The following ZNF285 variants were observed in gnomAD, a reference collection of about 807,000 sequenced individuals.
The protein encoded by ZNF285 is zinc finger protein 285.
In ZNF285, 4 loss-of-function variants were observed where a neutral mutation model predicts 6.2. The observed-to-expected ratio is 0.65, with a 90% confidence interval of 0.32 to 1.49. ZNF285 has a LOEUF of 1.49. Ranked by LOEUF, ZNF285 falls within the 40% of genes most tolerant of loss-of-function variation. The pLI is 0.07. For missense variants in ZNF285, 695 were observed against 708.8 expected (o/e 0.98, Z 0.22); for synonymous variants, 240 against 245.8 (o/e 0.98, Z 0.22).
At position 44,384,896 on chromosome 19, in the gene ZNF285, G is replaced by C. The variant is rs1163827182; in HGVS notation, c.*1576C>G. On this transcript the variant is annotated 3_prime_UTR_variant, in exon 4 of 4. Transcript: ENST00000614994. ...GTCTGTAGTCCCAGCTACTCAGGAG[G>C]CTGAGGCAGGAGGATCACTGAAGCC... 1.3e-5 allele frequency: 2 copies of C among 151,440 alleles called. No individual in the cohort carries two copies. The highest frequency in any genetic ancestry group is 2.9e-5 in the Non-Finnish European group (2 of 68,012). 9.4% of individuals were successfully genotyped at this position (151,440 alleles called of 1,614,324 possible).
At chr19:44,395,887 C>T (rs1021048843) in intron 2 of ZNF285, among the ~76,000 whole-genome samples, 7 of 152,124 alleles carry the variant, frequency 4.6e-5, no homozygotes, top group African/African-American at 1.2e-4. Context: ...CTAACCAAAA[C>T]GAGCAGAGTG....
rs754932342 is a variant in ZNF285, at chr19:44,392,403, T to C, written c.79A>G (p.Lys27Glu). Residue 27 changes from lysine (K) to glutamate (E), a missense_variant, in exon 3 of 4, where the codon AAA (lysine) becomes GAA (glutamate). Transcript: ENST00000614994. ...FTKEELALLD[K>E]AQINLYQDVM... ...TCTTGGTACAGGTTTATCTGGGCTT[T>C]ATCCAATAGTGCCAGCTCTTCCTTG... The C allele has an allele frequency of 3.1e-6, 5 of 1,613,734 alleles. No individual in the cohort carries two copies. Among genetic ancestry groups the C allele is most frequent in the Non-Finnish European group, 4.2e-6 (5 of 1,179,858 alleles).
chr19:44,387,119 C>G lies in ZNF285; in HGVS notation c.1126G>C (p.Glu376Gln), dbSNP rs554831372. The G allele has an allele frequency of 1.2e-6, 2 of 1,614,220 alleles. No individual in the cohort carries two copies. The highest frequency in any genetic ancestry group is 1.3e-5 in the African/African-American group (1 of 75,070). The change falls in exon 4 of 4, where the codon GAG becomes CAG. Residue 376 changes from glutamate to glutamine, a missense_variant. By Grantham distance (29) the Glu-to-Gln change is conservative. Coordinates refer to ENST00000614994, the MANE Select transcript of ZNF285 (RefSeq NM_152354.6). Reference sequence around the variant, plus strand: ...CTCTGATCAAAGCCCTTCCCACACTCTTCACATTTATAGGGCTTTTTCCCT... The same window carrying G: ...CTCTGATCAAAGCCCTTCCCACACTGTTCACATTTATAGGGCTTTTTCCCT... The part of the protein sequence containing the change: ...HTGKKPYKCE[E>Q]CGKGFDQSSN...
In ZNF285 at chr19:44,396,210, AGAAAAAAACT is replaced by A. The variant is rs571791451; in HGVS notation, c.15+979_15+988del. ...ATGCCTCTTTCAAATACTTTGGGAA[AGAAAAAAACT>A]GAAAAAGAGATTAAGCAATTCTCTT... is the stretch of plus-strand genomic sequence containing the variant. On this transcript the variant is annotated intron_variant, in intron 2 of 3. Coordinates refer to ENST00000614994, the MANE Select transcript of ZNF285 (RefSeq NM_152354.6). 7.5e-3 allele frequency among the ~76,000 whole-genome samples: 1,138 copies of A among 152,258 alleles called. 11 individuals carry two copies. Among genetic ancestry groups the A allele is most frequent in the African/African-American group, 0.025 (1,054 of 41,476 alleles).
chr19:44,388,242 A>G (rs1467517562), intron 3 of ZNF285, 140 bp from the exon 4 acceptor site: 2 of 767,888 alleles, frequency 2.6e-6, no homozygotes. Context: ...CGGTAATTCT[A>G]ACCTGTGAGC....
chr19:44,386,665 A>C lies in ZNF285; in HGVS notation c.1580T>G (p.Leu527Arg). ...TGTGTGGACTCTGAGGTGAACATTA[A>C]GATCTGAATTCCGGCTGAAGCCTTT... ...CGKGFSRNSD[L>R]NVHLRVHTGE... The change falls in exon 4 of 4, where the codon CTT becomes CGT. Residue 527 changes from leucine to arginine, a missense_variant. By Grantham distance (102) the Leu-to-Arg change is moderately radical (BLOSUM62 -2). Transcript: ENST00000614994. 6.2e-7 allele frequency: 1 copy of C among 1,614,166 alleles called. No homozygotes were observed. The highest frequency in any genetic ancestry group is 8.5e-7 in the Non-Finnish European group (1 of 1,180,028).
rs542996536 is a variant in ZNF285 at position 44,393,290 on chromosome 19, A to T, written c.16-824T>A. Among the ~76,000 whole-genome samples, 5 of 152,232 alleles carry T rather than the reference A, an allele frequency of 3.3e-5. No homozygotes were observed. The East Asian group carries it at 5.8e-4, about 18-fold the overall frequency. On this transcript the variant is annotated intron_variant, in intron 2 of 3. Coordinates refer to ENST00000614994, the MANE Select transcript of ZNF285 (RefSeq NM_152354.6). ...TGTGGGTGATTGTTAACAATTGGTG[A>T]ATCTAGGTGAAGATTACACATTATG...
In ZNF285 at chr19:44,392,433, A is replaced by G. The variant is rs749677045; in HGVS notation, c.49T>C (p.Phe17Leu). The G allele has an allele frequency of 1.1e-5, 17 of 1,613,746 alleles. No homozygotes were observed. The African/African-American group carries it at 1.3e-4, about 13-fold the overall frequency. Residue 17 changes from phenylalanine to leucine, a missense_variant, in exon 3 of 4, where the codon TTC (phenylalanine) becomes CTC (leucine). Transcript: ENST00000614994. Reference protein sequence around the residue: ...RVTFKDVAVVFTKEELALLDK... With the variant: ...RVTFKDVAVVLTKEELALLDK... ...AATAGTGCCAGCTCTTCCTTGGTGAAGACAACAGCCACATCCTTGAATGTC... is the reference window on the plus strand; with the variant it reads ...AATAGTGCCAGCTCTTCCTTGGTGAGGACAACAGCCACATCCTTGAATGTC...
chr19:44,397,758 C>T (rs1365481065), intron 1 of ZNF285, among the ~76,000 whole-genome samples: 1 of 152,048 alleles, frequency 6.6e-6, no homozygotes, highest in East Asian at 1.9e-4. Context: ...GTGGCGGATG[C>T]CTGTAATCCC....
chr19:44,396,368 T>G (rs906917539), intron 2 of ZNF285, among the ~76,000 whole-genome samples: 2 of 152,154 alleles, frequency 1.3e-5, no homozygotes, highest in African/African-American at 4.8e-5. Flanking sequence ...AAATCCTTCC[T>G]CCACACTGTG....
rs1341283943 is a variant in ZNF285, at chr19:44,385,567, A to G, written c.*905T>C. 1 of 152,232 alleles carries G rather than the reference A, an allele frequency of 6.6e-6. No homozygotes were observed. The highest frequency in any genetic ancestry group is 1.9e-4 in the East Asian group (1 of 5,206). The allele number at this position is 152,232 out of a possible 1,614,324, so 9.4% of individuals were successfully genotyped here. On this transcript the variant is annotated 3_prime_UTR_variant, in exon 4 of 4. Transcript: ENST00000614994. ...GTGGACTCCAATGACAATGAAACATATTGCTATAAAATCCCTCCATGCTAG... is the reference window on the plus strand; with the variant it reads ...GTGGACTCCAATGACAATGAAACATGTTGCTATAAAATCCCTCCATGCTAG...
chr19:44,396,964 G>A, intron 2 of ZNF285: 1 of 576,122 alleles, frequency 1.7e-6, no homozygotes, highest in Non-Finnish European at 3.1e-6. Flanking sequence ...GACTGGTACT[G>A]ATACATGAAC....
intron 1 of ZNF285, among the ~76,000 whole-genome samples, chr19:44,399,200 C>T (rs1971334320): frequency 6.8e-6 from 1 of 147,476 alleles, no homozygotes; most frequent in Admixed American, 6.7e-5. Context: ...TTGGTAAATC[C>T]TTGGACTCTT....
At chr19:44,392,489 C>T (rs571233217) in intron 2 of ZNF285, 23 bp from the exon 3 acceptor site, 25 of 1,613,690 alleles carry the variant, frequency 1.5e-5, no homozygotes, top group East Asian at 8.9e-5. Flanking sequence ...CCACATGCCA[C>T]GTCAATCATC....
At chr19:44,399,846 A>G (rs1015985578) in intron 1 of ZNF285, among the ~76,000 whole-genome samples, 11 of 152,120 alleles carry the variant, frequency 7.2e-5, no homozygotes, top group Non-Finnish European at 1.5e-4. Context: ...GGGAGGTGCC[A>G]TTATAATACC....
chr19:44,399,654 G>A (rs956407059), intron 1 of ZNF285, among the ~76,000 whole-genome samples: 1 of 151,784 alleles, frequency 6.6e-6, no homozygotes, highest in African/African-American at 2.4e-5. Context: ...ATATATGGTT[G>A]GGGGTTTGGT....
At chr19:44,396,085 C>A (rs1192417462) in intron 2 of ZNF285, among the ~76,000 whole-genome samples, 3 of 151,938 alleles carry the variant, frequency 2.0e-5, no homozygotes, top group Non-Finnish European at 4.4e-5. Context: ...TTCCAGGCAG[C>A]AGGATAAAAG....
At chr19:44,395,116 G>A (rs576906874) in intron 2 of ZNF285, among the ~76,000 whole-genome samples, 42 of 152,242 alleles carry the variant, frequency 2.8e-4, no homozygotes, top group Non-Finnish European at 4.1e-4. Context: ...CCTAGGCAGC[G>A]ATTGTCATAG....
rs376376411 is a variant in ZNF285 at position 44,387,080 on chromosome 19, C to T, written c.1165G>A (p.Val389Ile). The T allele has an allele frequency of 6.2e-7, 1 of 1,614,156 alleles. No homozygotes were observed. The part of the protein sequence containing the change: ...KGFDQSSNLL[V>I]HQRVHTGEKP... ...TCTCCAGTGTGGACTCTCTGATGGA[C>T]AAGAAGGTTGGAGCTCTGATCAAAG... The change falls in exon 4 of 4, where the codon GTC becomes ATC. Residue 389 changes from valine (V) to isoleucine (I), a missense_variant. By Grantham distance (29) the Val-to-Ile change is conservative. Transcript: ENST00000614994.
Sources: gnomAD v4.1 joint callset for allele counts (sites outside exome capture counted in the v4.1 genomes callset) on GRCh38, gnomAD v4.1.1 for gene constraint, MANE v1.5 for transcripts, NCBI Gene and HGNC (gene_info 2026-07-23, HGNC 2026-07-21) for gene names.